The following VPS41 variants were observed in gnomAD, a reference collection of about 807,000 sequenced individuals.
The protein encoded by VPS41 is vacuolar protein sorting-associated protein 41 homolog.
VPS41 carries 85 observed loss-of-function variants against 130.9 expected under a neutral mutation model. The observed-to-expected ratio is 0.65, with a 90% CI of 0.55 to 0.78. VPS41 has a LOEUF of 0.78. Ranked by LOEUF, VPS41 falls within the 30% of genes least tolerant of loss-of-function variation. VPS41 has a pLI of 0.00. For missense variants in VPS41, 874 were observed against 1,018.7 expected (o/e 0.86, Z 1.93); for synonymous variants, 335 against 332.9 (o/e 1.01, Z -0.07).
At position 38,765,551 on chromosome 7, in the gene VPS41, CTG is replaced by C. The variant is rs1784023194; in HGVS notation, c.1329+27_1329+28del. The C allele has an allele frequency of 3.5e-6, 5 of 1,437,256 alleles. No individual in the cohort carries two copies. The Middle Eastern group carries it at 6.0e-4, about 171-fold the overall frequency. 89.0% of individuals were successfully genotyped at this position (1,437,256 alleles called of 1,614,324 possible). A position where few individuals can be genotyped will look rare whatever the true frequency, so the allele number is the denominator to read the frequency against. ...AATATTAATATACTACTTGCAGAAA[CTG>C]AGAGTTAAAAATAAGGCTTTGCTTA... On this transcript the variant is annotated intron_variant, in intron 16 of 28. Coordinates refer to ENST00000310301, the MANE Select transcript of VPS41 (RefSeq NM_014396.4).
intron 2 of VPS41, among the ~76,000 whole-genome samples, chr7:38,888,076 T>C (rs1481308482): frequency 3.3e-5 from 5 of 152,092 alleles, no homozygotes; most frequent in Non-Finnish European, 7.4e-5. Flanking sequence ...TGCAAAAACA[T>C]GCCAAATTGT....
chr7:38,901,888 C>G (rs539918979), intron 1 of VPS41, among the ~76,000 whole-genome samples: 1 of 152,102 alleles, frequency 6.6e-6, no homozygotes, highest in Non-Finnish European at 1.5e-5. Flanking sequence ...ATGTTTTCAA[C>G]TTTTTTAATG....
intron 5 of VPS41, among the ~76,000 whole-genome samples, chr7:38,825,747 T>C (rs989568850): frequency 2.6e-5 from 4 of 152,164 alleles, no homozygotes; most frequent in East Asian, 1.9e-4. Flanking sequence ...CAGAGAGCCA[T>C]GTGAGTACCT....
intron 4 of VPS41, among the ~76,000 whole-genome samples, chr7:38,831,064 G>C (rs1584417008): frequency 6.6e-6 from 1 of 152,202 alleles, no homozygotes; most frequent in East Asian, 1.9e-4. Context: ...CGGCTGAGAA[G>C]TCTAAATGTT....
At chr7:38,731,016 T>C (rs556113794) in intron 25 of VPS41, among the ~76,000 whole-genome samples, 36 of 152,312 alleles carry the variant, frequency 2.4e-4, no homozygotes, top group Middle Eastern at 3.4e-3. Flanking sequence ...CTAGGAAAAT[T>C]CATTATTCAG....
At chr7:38,898,011 T>C (rs1039467205) in intron 2 of VPS41, 80 bp downstream of exon 2, 18 of 1,351,382 alleles carry the variant, frequency 1.3e-5, no homozygotes, top group East Asian at 9.2e-5. Context: ...CCTGGGAATG[T>C]TGCATTTAGC....
At chr7:38,834,522 A>T (rs1052002473) in intron 4 of VPS41, among the ~76,000 whole-genome samples, 4 of 152,210 alleles carry the variant, frequency 2.6e-5, no homozygotes, top group African/African-American at 9.6e-5. Flanking sequence ...AGTTATTACT[A>T]TAAAGGTCAG....
chr7:38,815,935 TATATATAC>T (rs916262801), intron 7 of VPS41, among the ~76,000 whole-genome samples: 3 of 126,684 alleles, frequency 2.4e-5, no homozygotes, highest in African/African-American at 8.4e-5. Context: ...TATATATATA[TATATATAC>T]ACATATATAC....
At chr7:38,836,236 C>T (rs1000379991) in intron 4 of VPS41, among the ~76,000 whole-genome samples, 3 of 151,916 alleles carry the variant, frequency 2.0e-5, no homozygotes, top group Non-Finnish European at 4.4e-5. Flanking sequence ...TGTTGATCTA[C>T]TTTTATCTTA....
intron 2 of VPS41, among the ~76,000 whole-genome samples, chr7:38,891,713 A>T (rs1013154906): frequency 1.3e-5 from 2 of 152,212 alleles, no homozygotes; most frequent in Non-Finnish European, 2.9e-5. Flanking sequence ...AGGACATATG[A>T]ATATTTTCTT....
chr7:38,846,448 C>T (rs111568749), intron 4 of VPS41, among the ~76,000 whole-genome samples: 6,545 of 152,206 alleles, frequency 0.043, 457 homozygotes, highest in African/African-American at 0.15. Context: ...AATTTGCGTA[C>T]GCAAAGACAA....
At position 38,772,639 on chromosome 7, in the gene VPS41, T is replaced by C. The variant is rs1784174928; in HGVS notation, c.1013-2A>G. On this transcript the variant is annotated splice_acceptor_variant, in intron 12 of 28. Transcript: ENST00000310301. LOFTEE classifies it high-confidence loss of function. ...AAAGTGATTCCCCTTCAGAGTATTC[T>C]GTAGGTGAGAAAAGAGAGGAACGAC... 6.2e-7 allele frequency: 1 copy of C among 1,603,656 alleles called. No individual in the cohort carries two copies. Among genetic ancestry groups the C allele is most frequent in the Admixed American group, 1.7e-5 (1 of 59,656 alleles).
At chr7:38,827,669 G>T (rs1342704296) in intron 5 of VPS41, among the ~76,000 whole-genome samples, 2 of 152,210 alleles carry the variant, frequency 1.3e-5, no homozygotes, top group African/African-American at 2.4e-5. Context: ...CACCAAGTGG[G>T]AATGCCAGCC....
chr7:38,878,285 G>C (rs1786532717), intron 2 of VPS41, among the ~76,000 whole-genome samples: 1 of 152,150 alleles, frequency 6.6e-6, no homozygotes. Context: ...CAAAAAAACA[G>C]TGAGAAAATA....
chr7:38,875,032 A>G (rs947972962), intron 2 of VPS41, among the ~76,000 whole-genome samples: 1 of 152,214 alleles, frequency 6.6e-6, no homozygotes, highest in East Asian at 1.9e-4. Context: ...GAGAATAGAA[A>G]GATAAAACAC....
chr7:38,744,140 G>A (rs955754257), intron 23 of VPS41, among the ~76,000 whole-genome samples: 1 of 152,182 alleles, frequency 6.6e-6, no homozygotes, highest in Non-Finnish European at 1.5e-5. Context: ...TAACCCTCAT[G>A]AGATGAAAGT....
At chr7:38,810,948 T>C (rs553847591) in intron 7 of VPS41, among the ~76,000 whole-genome samples, 22 of 152,256 alleles carry the variant, frequency 1.4e-4, no homozygotes, top group East Asian at 1.2e-3. Context: ...GCTGAAAGGA[T>C]TGAAGTAGCT....
intron 20 of VPS41, 58 bp from the exon 21 acceptor site, chr7:38,754,810 A>C: frequency 6.3e-7 from 1 of 1,589,720 alleles, no homozygotes; most frequent in Non-Finnish European, 8.6e-7. Flanking sequence ...ACAGCTACAA[A>C]ATTATCTGAT....
intron 12 of VPS41, among the ~76,000 whole-genome samples, chr7:38,773,215 T>C (rs1784189965): frequency 6.6e-6 from 1 of 152,160 alleles, no homozygotes. Flanking sequence ...TTGTGCACAA[T>C]GCCAATCTGA....
Sources: gnomAD v4.1 joint callset for allele counts (sites outside exome capture counted in the v4.1 genomes callset) on GRCh38, gnomAD v4.1.1 for gene constraint, MANE v1.5 for transcripts, NCBI Gene and HGNC (gene_info 2026-07-23, HGNC 2026-07-21) for gene names.